Variants in MALRD1 observed in about 807,000 individuals in gnomAD.
MALRD1 encodes MAM and LDL-receptor class A domain-containing protein 1.
A neutral mutation model predicts 242.1 loss-of-function variants in MALRD1; 247 were observed. The observed-to-expected ratio is 1.02, with a 90% CI of 0.92 to 1.13. The LOEUF (loss-of-function observed/expected upper bound fraction) is 1.13, where lower values mean the gene tolerates loss of function less well. Among genes scored for constraint, MALRD1 ranks in the 50% most tolerant of loss-of-function variants. The probability of loss-of-function intolerance (pLI) is 0.00; values close to 1 mark genes in which losing one functional copy is unlikely to be tolerated. For missense variants in MALRD1, 2,989 were observed against 2,533.1 expected (o/e 1.18, Z -3.86); for synonymous variants, 995 against 866.6 (o/e 1.15, Z -2.60).
Position 19,531,851 on chromosome 10 carries a change from A to T in MALRD1, c.5478+500A>T, listed in dbSNP as rs538487486. On this transcript the variant is annotated intron_variant, in intron 32 of 39. Coordinates refer to ENST00000454679, the MANE Select transcript of MALRD1 (RefSeq NM_001142308.3). ...AAATGCAGATACCTTTAATGAAATA[A>T]GTTGCTGCACTTATACTTTTCATTG... Among the ~76,000 whole-genome samples the T allele has an allele frequency of 6.6e-5, 10 of 152,324 alleles. No individual in the cohort carries two copies. In the South Asian group the frequency reaches 1.9e-3, roughly 28 times the overall value.
rs1229844033 is a variant in MALRD1, at chr10:19,595,375, C to T, written c.5862C>T (p.Cys1954=). Residue 1954 remains cysteine, a synonymous_variant, in exon 34 of 40, where the codon TGC becomes TGT. Coordinates refer to ENST00000454679, the MANE Select transcript of MALRD1 (RefSeq NM_001142308.3). ...PPLCSNMEFP[C]STDECIPSLL... ...TCTGTAGTAACATGGAGTTCCCGTG[C>T]TCTACAGACGAGTGTATACCTTCCC... 1.3e-6 allele frequency: 2 copies of T among 1,550,558 alleles called. No individual in the cohort carries two copies. The highest frequency in any genetic ancestry group is 2.4e-5 in the East Asian group (1 of 40,902).
intron 36 of MALRD1, among the ~76,000 whole-genome samples, chr10:19,685,404 T>A (rs1392038876): frequency 6.6e-6 from 1 of 152,210 alleles, no homozygotes. Context: ...CAATAAATAT[T>A]TTATGAACAC....
chr10:19,442,836 A>C, intron 28 of MALRD1, among the ~76,000 whole-genome samples: 2 of 152,164 alleles, frequency 1.3e-5, no homozygotes. Context: ...GGCCTCATAC[A>C]ATGAGTTAGG....
chr10:19,146,110 C>T, intron 10 of MALRD1, 88 bp from the exon 11 acceptor site: 1 of 1,028,806 alleles, frequency 9.7e-7, no homozygotes, highest in Non-Finnish European at 1.2e-6. Flanking sequence ...ATTTTGCAGG[C>T]CTCCTAAGAT....
rs1835132308 is a variant in MALRD1, at chr10:19,071,061, G to A, written c.340+4202G>A. The stretch of plus-strand genomic sequence containing the variant: ...GAGATGAGGTTCTCCATGTTGGCCA[G>A]GTTGGTCTCAAACTCCTGGCCTCAG... On this transcript the variant is annotated intron_variant, in intron 2 of 39. Coordinates refer to ENST00000454679, the MANE Select transcript of MALRD1 (RefSeq NM_001142308.3). Among the ~76,000 whole-genome samples, 3 of 151,822 alleles carry A rather than the reference G, an allele frequency of 2.0e-5. No individual in the cohort carries two copies. The South Asian group carries it at 6.2e-4, about 31-fold the overall frequency.
At chr10:19,189,822 T>C (rs10827036) in intron 14 of MALRD1, among the ~76,000 whole-genome samples, 7,836 of 152,092 alleles carry the variant, frequency 0.052, 358 homozygotes, top group East Asian at 0.22. Flanking sequence ...CTCAACATAA[T>C]AAAAGCCATG....
intron 28 of MALRD1, among the ~76,000 whole-genome samples, chr10:19,417,720 A>G (rs1286163875): frequency 6.6e-6 from 1 of 152,120 alleles, no homozygotes; most frequent in African/African-American, 2.4e-5. Flanking sequence ...CTTTCCTTAG[A>G]CTGAGATCAT....
At chr10:19,711,898 C>T (rs1314044692) in intron 38 of MALRD1, among the ~76,000 whole-genome samples, 1 of 152,134 alleles carries the variant, frequency 6.6e-6, no homozygotes, top group African/African-American at 2.4e-5. Context: ...GAAATATAAC[C>T]ATCTGTGGGA....
chr10:19,698,898 A>G (rs370133241), intron 38 of MALRD1, among the ~76,000 whole-genome samples: 1 of 152,296 alleles, frequency 6.6e-6, no homozygotes, highest in East Asian at 1.9e-4. Context: ...TTGCAGGGAC[A>G]TGGGTGAAGC....
chr10:19,656,854 A>G (rs1180198249), intron 36 of MALRD1, among the ~76,000 whole-genome samples: 4 of 152,134 alleles, frequency 2.6e-5, no homozygotes, highest in Admixed American at 6.6e-5. Flanking sequence ...ACACAGTGTC[A>G]TTTGCTGTAA....
chr10:19,567,782 G>T, intron 33 of MALRD1, 79 bp downstream of exon 33: 1 of 1,240,078 alleles, frequency 8.1e-7, no homozygotes, highest in Non-Finnish European at 1.1e-6. Context: ...GAATTTCTGA[G>T]GAATTACATT....
At chr10:19,508,856 A>G (rs868795574) in intron 31 of MALRD1, among the ~76,000 whole-genome samples, 3 of 152,220 alleles carry the variant, frequency 2.0e-5, no homozygotes, top group Middle Eastern at 3.2e-3. Flanking sequence ...CTTGTCTACC[A>G]AGTGAATAAA....
At chr10:19,713,304 A>C (rs962115361) in intron 38 of MALRD1, among the ~76,000 whole-genome samples, 1 of 152,220 alleles carries the variant, frequency 6.6e-6, no homozygotes, top group African/African-American at 2.4e-5. Flanking sequence ...CTGTTCTTAT[A>C]CTTATCTGAT....
chr10:19,116,896 C>T (rs1319349822), intron 5 of MALRD1, among the ~76,000 whole-genome samples: 1 of 151,910 alleles, frequency 6.6e-6, no homozygotes, highest in Non-Finnish European at 1.5e-5. Context: ...CGAGACCAGC[C>T]TCAACCTGGC....
chr10:19,350,283 T>C (rs1844318166), intron 25 of MALRD1, among the ~76,000 whole-genome samples: 1 of 148,886 alleles, frequency 6.7e-6, no homozygotes, highest in Admixed American at 6.7e-5. Context: ...TTTTTTTTTT[T>C]TTTTTGAGAT....
chr10:19,050,699 C>G (rs1429754890), intron 1 of MALRD1, among the ~76,000 whole-genome samples: 1 of 152,212 alleles, frequency 6.6e-6, no homozygotes, highest in Non-Finnish European at 1.5e-5. Flanking sequence ...GAGACGCTAA[C>G]TGTGGGCTTG....
At chr10:19,213,931 T>C (rs957643844) in intron 18 of MALRD1, among the ~76,000 whole-genome samples, 1 of 152,206 alleles carries the variant, frequency 6.6e-6, no homozygotes, top group Non-Finnish European at 1.5e-5. Flanking sequence ...AAGATCCTTC[T>C]GGGTATCCCT....
rs1335005669 is a variant in MALRD1 at position 19,693,201 on chromosome 10, C to T, written c.6314+647C>T. Among the ~76,000 whole-genome samples, 5 of 151,902 alleles carry T rather than the reference C, an allele frequency of 3.3e-5. No individual in the cohort carries two copies. In the South Asian group the frequency reaches 8.3e-4, roughly 25 times the overall value. On this transcript the variant is annotated intron_variant, in intron 38 of 39. Transcript: ENST00000454679. Reference sequence around the variant, plus strand: ...GCCCTCTCTCACCACTCCTATTCAACATAGTGTTGGAAGTTCTGGCCAGGG... The same window carrying T: ...GCCCTCTCTCACCACTCCTATTCAATATAGTGTTGGAAGTTCTGGCCAGGG...
chr10:19,223,174 A>C (rs1487401007), intron 18 of MALRD1, among the ~76,000 whole-genome samples: 1 of 152,154 alleles, frequency 6.6e-6, no homozygotes, highest in Admixed American at 6.6e-5. Flanking sequence ...TGTAAAATAA[A>C]ATATTGTAGT....
Sources: allele counts gnomAD v4.1 joint callset (sites outside exome capture counted in the v4.1 genomes callset), GRCh38; gene constraint gnomAD v4.1.1; transcripts MANE v1.5; gene names NCBI Gene and HGNC (gene_info 2026-07-23, HGNC 2026-07-21).